The following SSBP3 variants were observed in gnomAD, a reference collection of about 807,000 sequenced individuals.
The protein encoded by SSBP3 is single-stranded DNA-binding protein 3.
A neutral mutation model predicts 69.6 loss-of-function variants in SSBP3; 5 were observed. The ratio of observed to expected loss-of-function variants is 0.07; its 90% CI spans 0.04 to 0.15. The LOEUF is 0.15. Among genes scored for constraint, SSBP3 ranks in the 10% least tolerant of loss-of-function variants. The pLI, the probability that SSBP3 is intolerant of heterozygous loss-of-function variation, is 1.00. For synonymous variants in SSBP3, 196 were observed against 193.4 expected (o/e 1.01, Z -0.11); for missense variants, 312 against 534.0 (o/e 0.58, Z 4.10).
At chr1:54,322,652 CAAAAG>C (rs1439744958) in intron 4 of SSBP3, among the ~76,000 whole-genome samples, 1 of 149,556 alleles carries the variant, frequency 6.7e-6, no homozygotes, top group Non-Finnish European at 1.5e-5. Flanking sequence ...GCAGGAAGGA[CAAAAG>C]AAAAGGAAAA....
chr1:54,383,826 G>C (rs781066088), intron 4 of SSBP3, among the ~76,000 whole-genome samples: 4 of 152,110 alleles, frequency 2.6e-5, no homozygotes, highest in African/African-American at 4.8e-5. Context: ...GCAAGAACCG[G>C]CCGGGCACGG....
At chr1:54,357,719 T>G (rs561228955) in intron 4 of SSBP3, among the ~76,000 whole-genome samples, 65 of 152,354 alleles carry the variant, frequency 4.3e-4, no homozygotes, top group African/African-American at 1.5e-3. Context: ...CTGGTTAACA[T>G]AGCAAGACCT....
At chr1:54,276,008 T>C (rs1206459510) in intron 5 of SSBP3, among the ~76,000 whole-genome samples, 2 of 152,162 alleles carry the variant, frequency 1.3e-5, no homozygotes, top group Non-Finnish European at 2.9e-5. Context: ...TCTCGTTCTC[T>C]CCCCATAACC....
chr1:54,280,637 C>A (rs1012658231), intron 5 of SSBP3, among the ~76,000 whole-genome samples: 1 of 151,906 alleles, frequency 6.6e-6, no homozygotes, highest in South Asian at 2.1e-4. Flanking sequence ...TACAGCCCTG[C>A]ACGCTGTACC....
chr1:54,410,093 G>A (rs1304390613), upstream of SSBP3, among the ~76,000 whole-genome samples: 2 of 152,216 alleles, frequency 1.3e-5, no homozygotes, highest in East Asian at 3.8e-4. Flanking sequence ...TAGGGTCAGG[G>A]AATGATCATC....
intron 4 of SSBP3, among the ~76,000 whole-genome samples, chr1:54,298,330 G>A (rs963402682): frequency 6.6e-6 from 1 of 152,028 alleles, no homozygotes; most frequent in Admixed American, 6.5e-5. Flanking sequence ...CCAGACTCAC[G>A]AAGAGGGGCA....
chr1:54,281,205 C>G (rs1010853626), intron 5 of SSBP3, among the ~76,000 whole-genome samples: 4 of 152,204 alleles, frequency 2.6e-5, no homozygotes, highest in African/African-American at 9.7e-5. Context: ...AAGCAAACTC[C>G]AGCAGAAGTG....
chr1:54,407,077 C>G (rs1002146516), upstream of SSBP3, among the ~76,000 whole-genome samples: 4 of 152,072 alleles, frequency 2.6e-5, no homozygotes, highest in Non-Finnish European at 4.4e-5. Flanking sequence ...TGCTCCTTTA[C>G]TAGATCATTA....
chr1:54,250,228 A>G (rs538345929), intron 9 of SSBP3, among the ~76,000 whole-genome samples: 2 of 152,354 alleles, frequency 1.3e-5, no homozygotes, highest in South Asian at 4.1e-4. Flanking sequence ...AAGGAACACA[A>G]CCAGAATATT....
At chr1:54,240,819 C>T in intron 13 of SSBP3, 86 bp downstream of exon 13, 1 of 1,564,162 alleles carries the variant, frequency 6.4e-7, no homozygotes, top group Non-Finnish European at 8.8e-7. Context: ...AGCTCTGGCT[C>T]TGCAACAGTG....
chr1:54,241,424 A>G (rs745809445), intron 12 of SSBP3, 50 bp downstream of exon 12: 5 of 1,603,922 alleles, frequency 3.1e-6, no homozygotes, highest in East Asian at 4.5e-5. Flanking sequence ...TCTCTTGCAC[A>G]CTCAGTCCCA....
chr1:54,302,027 C>G (rs1415706153), intron 4 of SSBP3, among the ~76,000 whole-genome samples: 3 of 152,228 alleles, frequency 2.0e-5, no homozygotes, highest in Non-Finnish European at 2.9e-5. Flanking sequence ...GATTCTCCTA[C>G]AGCTCCAGAG....
intron 4 of SSBP3, among the ~76,000 whole-genome samples, chr1:54,373,332 C>T (rs1450709989): frequency 1.3e-5 from 2 of 152,138 alleles, no homozygotes; most frequent in African/African-American, 2.4e-5. Flanking sequence ...GACTCGGTTT[C>T]CTCTTCTATA....
At chr1:54,279,809 GAGA>G (rs1350287690) in intron 5 of SSBP3, among the ~76,000 whole-genome samples, 1 of 152,202 alleles carries the variant, frequency 6.6e-6, no homozygotes, top group East Asian at 1.9e-4. Flanking sequence ...TCCTCCCTGG[GAGA>G]AGGACAGCAG....
rs557022078 is a variant in SSBP3 at position 54,270,168 on chromosome 1, T to C, written c.366+11270A>G. Among the ~76,000 whole-genome samples the C allele has an allele frequency of 2.0e-4, 31 of 152,332 alleles. 1 individual carries two copies. In the South Asian group the frequency reaches 4.1e-3, roughly 20 times the overall value. The stretch of plus-strand genomic sequence containing the variant: ...CAGATGAACCAGGGAGAGCTGCTTC[T>C]GCTTTACAGGTGGGGAACGCAAACT... On this transcript the variant is annotated intron_variant, in intron 5 of 17. Transcript: ENST00000610401.
chr1:54,339,190 G>C (rs897973252), intron 4 of SSBP3, among the ~76,000 whole-genome samples: 3 of 152,182 alleles, frequency 2.0e-5, no homozygotes, highest in African/African-American at 7.2e-5. Context: ...AAAAGAATAG[G>C]AAATGGGGGA....
chr1:54,336,710 G>A (rs1353424683), intron 4 of SSBP3, among the ~76,000 whole-genome samples: 2 of 152,214 alleles, frequency 1.3e-5, no homozygotes, highest in Non-Finnish European at 2.9e-5. Context: ...AATACTAACT[G>A]CAAATAATCC....
chr1:54,320,913 G>C (rs976523840), intron 4 of SSBP3, among the ~76,000 whole-genome samples: 1 of 152,228 alleles, frequency 6.6e-6, no homozygotes, highest in East Asian at 1.9e-4. Context: ...CAAAAAAAGG[G>C]TGTAGTTTAT....
chr1:54,278,091 TCAG>T (rs1383788454), intron 5 of SSBP3, among the ~76,000 whole-genome samples: 4 of 152,162 alleles, frequency 2.6e-5, no homozygotes, highest in Non-Finnish European at 5.9e-5. Flanking sequence ...CCAAGGTCAC[TCAG>T]CAAGTATGCG....
Sources: allele counts gnomAD v4.1 joint callset (sites outside exome capture counted in the v4.1 genomes callset), GRCh38; gene constraint gnomAD v4.1.1; transcripts MANE v1.5; gene names NCBI Gene and HGNC (gene_info 2026-07-23, HGNC 2026-07-21).